CREB5: variants seen among roughly 807,000 people sequenced by gnomAD.
CREB5 encodes the protein cyclic AMP-responsive element-binding protein 5.
A neutral mutation model predicts 57.1 loss-of-function variants in CREB5; 19 were observed. That is an observed-to-expected ratio of 0.33 (90% CI 0.23 to 0.49). The LOEUF (loss-of-function observed/expected upper bound fraction) is 0.49. CREB5 is among the 20% of genes least tolerant of loss of function. The pLI is 0.99. For missense variants in CREB5, 579 were observed against 671.6 expected (o/e 0.86, Z 1.52); for synonymous variants, 238 against 238.3 (o/e 1.00, Z 0.01).
At chr7:28,717,571 C>T (rs1802767168) in intron 5 of CREB5, among the ~76,000 whole-genome samples, 1 of 152,188 alleles carries the variant, frequency 6.6e-6, no homozygotes, top group African/African-American at 2.4e-5. Flanking sequence ...GTTGGGAGCA[C>T]TAGACAGGGC....
At chr7:28,395,571 T>C (rs1385717977) in intron 1 of CREB5, among the ~76,000 whole-genome samples, 1 of 152,182 alleles carries the variant, frequency 6.6e-6, no homozygotes, top group Non-Finnish European at 1.5e-5. Context: ...GGGTAGCAAA[T>C]ATCTGACTTG....
At chr7:28,659,711 C>T (rs1314021756) in intron 5 of CREB5, among the ~76,000 whole-genome samples, 1 of 152,088 alleles carries the variant, frequency 6.6e-6, no homozygotes, top group African/African-American at 2.4e-5. Context: ...TTTGATACTT[C>T]TAATGAATGA....
intron 7 of CREB5, among the ~76,000 whole-genome samples, chr7:28,773,534 TATG>T (rs1806454277): frequency 6.6e-6 from 1 of 151,056 alleles, no homozygotes; most frequent in Non-Finnish European, 1.5e-5. Flanking sequence ...GAGTCAGTCA[TATG>T]ATGTCTGTAA....
chr7:28,418,718 A>G (rs889937602), intron 1 of CREB5, among the ~76,000 whole-genome samples: 1 of 152,234 alleles, frequency 6.6e-6, no homozygotes, highest in Non-Finnish European at 1.5e-5. Context: ...ACATATCTCT[A>G]ATCCCCATTT....
intron 7 of CREB5, among the ~76,000 whole-genome samples, chr7:28,743,793 C>A (rs1488215417): frequency 1.3e-5 from 2 of 150,930 alleles, no homozygotes; most frequent in Non-Finnish European, 2.9e-5. Flanking sequence ...CTGTGTCCTT[C>A]CCCGGTCTTT....
intron 1 of CREB5, among the ~76,000 whole-genome samples, chr7:28,418,594 A>T (rs1391713205): frequency 6.6e-6 from 1 of 152,254 alleles, no homozygotes; most frequent in African/African-American, 2.4e-5. Context: ...CCTTTAAAGC[A>T]TGACTATAAA....
chr7:28,505,180 G>A (rs1792428986), intron 3 of CREB5, among the ~76,000 whole-genome samples: 1 of 151,302 alleles, frequency 6.6e-6, no homozygotes, highest in African/African-American at 2.4e-5. Flanking sequence ...AGCAGAATAT[G>A]TGCTCATGCA....
At chr7:28,589,886 T>G (rs1005982138) in intron 5 of CREB5, among the ~76,000 whole-genome samples, 2 of 152,202 alleles carry the variant, frequency 1.3e-5, no homozygotes, top group Non-Finnish European at 2.9e-5. Context: ...GCAGATAAAC[T>G]ATGTCAGCTC....
chr7:28,652,200 T>C (rs1193758892), intron 5 of CREB5, among the ~76,000 whole-genome samples: 1 of 152,190 alleles, frequency 6.6e-6, no homozygotes, highest in Non-Finnish European at 1.5e-5. Flanking sequence ...TAATAGTTTA[T>C]ATTAATGACT....
At position 28,804,411 on chromosome 7, in the gene CREB5, CCATCACCAGCAGAACCATCCA is replaced by C. The variant is rs559296613; in HGVS notation, c.924_944del (p.Gln308_His314del). 1.3e-4 allele frequency: 208 copies of C among 1,614,072 alleles called. No homozygotes were observed. In the African/African-American group the frequency reaches 2.6e-3, roughly 20 times the overall value. ...CAGCACACCATCCTCACCCTCAACCCCATCACCAGCAGAACCATCCACATCACCACTCCCATTCCCACCTTC... is the reference window on the plus strand; with the variant it reads ...CAGCACACCATCCTCACCCTCAACCCCATCACCACTCCCATTCCCACCTTC... On this transcript the variant is annotated inframe_deletion, in exon 8 of 11. Coordinates refer to ENST00000357727, the MANE Select transcript of CREB5 (RefSeq NM_182898.4).
In CREB5 at chr7:28,488,129, T is replaced by C. The variant is rs757872806; in HGVS notation, c.4-46T>C. On this transcript the variant is annotated intron_variant, in intron 1 of 10. Coordinates refer to ENST00000357727, the MANE Select transcript of CREB5 (RefSeq NM_182898.4). ...GTTGCTCAGGTAGAAGCAGAAGATA[T>C]TCATGGATTTCTTTTTCCTTCCTCC... is the stretch of plus-strand genomic sequence containing the variant. 5 of 1,567,658 alleles carry C rather than the reference T, an allele frequency of 3.2e-6. No homozygotes were observed. In the African/African-American group the frequency reaches 4.1e-5, roughly 13 times the overall value.
chr7:28,728,805 G>A (rs942890526), intron 7 of CREB5, among the ~76,000 whole-genome samples: 1 of 152,200 alleles, frequency 6.6e-6, no homozygotes, highest in Non-Finnish European at 1.5e-5. Flanking sequence ...TGAAGGTGGG[G>A]TGAAGTGGGA....
intron 1 of CREB5, among the ~76,000 whole-genome samples, chr7:28,327,636 T>C (rs557795388): frequency 3.3e-5 from 5 of 152,362 alleles, no homozygotes; most frequent in African/African-American, 1.2e-4. Flanking sequence ...ATCTGATCTC[T>C]TGAGAGTTTT....
At chr7:28,409,926 G>T (rs1157375787), upstream of CREB5, 1 of 454,186 alleles carries the variant, frequency 2.2e-6, no homozygotes, top group African/African-American at 2.0e-5. The surrounding 1 kb of genome is among the most constrained non-coding windows in gnomAD (Gnocchi z 4.4). Context: ...CCCTCCAGAA[G>T]TGCGGTCAAG....
chr7:28,738,454 G>A (rs1177416882), intron 7 of CREB5, among the ~76,000 whole-genome samples: 1 of 152,228 alleles, frequency 6.6e-6, no homozygotes, highest in Admixed American at 6.5e-5. Context: ...CCGTACCCAT[G>A]ATAACAGAGT....
intron 5 of CREB5, among the ~76,000 whole-genome samples, chr7:28,599,120 T>G (rs1207967103): frequency 6.6e-6 from 1 of 152,204 alleles, no homozygotes; most frequent in African/African-American, 2.4e-5. Context: ...CCAATCGTGT[T>G]GGTAATTTGA....
intron 1 of CREB5, among the ~76,000 whole-genome samples, chr7:28,471,589 C>T (rs558124311): frequency 6.6e-6 from 1 of 152,268 alleles, no homozygotes; most frequent in South Asian, 2.1e-4. Context: ...TGCATTTAAT[C>T]TTTATCACAA....
intron 5 of CREB5, among the ~76,000 whole-genome samples, chr7:28,573,679 G>A (rs1795793232): frequency 6.6e-6 from 1 of 152,204 alleles, no homozygotes; most frequent in African/African-American, 2.4e-5. Context: ...TTGGAGGCTT[G>A]AATGTATTGA....
intron 7 of CREB5, chr7:28,726,702 T>C (rs1194655236): frequency 1.3e-5 from 2 of 152,136 alleles, no homozygotes; most frequent in East Asian, 3.9e-4. Flanking sequence ...AGGTCACACA[T>C]GGACTATTGT....
Sources: allele counts gnomAD v4.1 joint callset (sites outside exome capture counted in the v4.1 genomes callset), GRCh38; gene constraint gnomAD v4.1.1; non-coding constraint Gnocchi (gnomAD v3.1); transcripts MANE v1.5; gene names NCBI Gene and HGNC (gene_info 2026-07-23, HGNC 2026-07-21).